XKR4: variants seen among roughly 807,000 people sequenced by gnomAD.
XKR4 encodes the protein XK-related protein 4.
XKR4 carries 12 observed loss-of-function variants against 53.9 expected under a neutral mutation model. That is an observed-to-expected ratio of 0.22 (90% CI 0.14 to 0.36). The LOEUF (loss-of-function observed/expected upper bound fraction) is 0.36. XKR4 is among the 10% of genes least tolerant of loss of function. The pLI, the probability that XKR4 is intolerant of heterozygous loss-of-function variation, is 1.00. For missense variants in XKR4, 799 were observed against 859.5 expected (o/e 0.93, Z 0.88); for synonymous variants, 354 against 362.4 (o/e 0.98, Z 0.26).
chr8:55,417,958 T>C (rs1342469653), intron 2 of XKR4, among the ~76,000 whole-genome samples: 1 of 152,108 alleles, frequency 6.6e-6, no homozygotes, highest in Non-Finnish European at 1.5e-5. Context: ...AGAAGGTGTC[T>C]TAAGGTGGAT....
intron 1 of XKR4, among the ~76,000 whole-genome samples, chr8:55,278,978 C>T (rs1307275743): frequency 6.6e-6 from 1 of 152,200 alleles, no homozygotes; most frequent in African/African-American, 2.4e-5. Context: ...AAAACCCAGA[C>T]ATTCACTAGC....
intron 2 of XKR4, chr8:55,450,247 T>A (rs1338939660): frequency 1.5e-6 from 1 of 658,054 alleles, no homozygotes; most frequent in Non-Finnish European, 2.7e-6. Flanking sequence ...AAACCGTTCT[T>A]CCTCAGGGGC....
At chr8:55,117,688 C>G (rs991724403) in intron 1 of XKR4, among the ~76,000 whole-genome samples, 2 of 152,152 alleles carry the variant, frequency 1.3e-5, no homozygotes, top group African/African-American at 4.8e-5. Context: ...TAGCAAGTAC[C>G]TGGGCTCACT....
intron 2 of XKR4, among the ~76,000 whole-genome samples, chr8:55,502,680 C>T (rs1806463027): frequency 6.6e-6 from 1 of 151,846 alleles, no homozygotes; most frequent in African/African-American, 2.4e-5. Flanking sequence ...TGTCTTTTTA[C>T]TCTGTTGATA....
chr8:55,395,389 G>A (rs2975945), intron 2 of XKR4, among the ~76,000 whole-genome samples: 14,340 of 151,706 alleles, frequency 0.095, 1,392 homozygotes, highest in African/African-American at 0.25. Context: ...TCCAGGAAAG[G>A]CATGACCATG....
chr8:55,311,829 C>CAAAAAAAAAAAAAAAAAA (rs57826022), intron 1 of XKR4, among the ~76,000 whole-genome samples: 37 of 98,586 alleles, frequency 3.8e-4, no homozygotes, highest in African/African-American at 7.7e-4. Flanking sequence ...TGTAATTTAG[C>CAAAAAAAAAAAAAAAAAA]AAAAAAAAAA....
intron 2 of XKR4, among the ~76,000 whole-genome samples, chr8:55,503,829 C>T (rs73595333): frequency 0.043 from 6,541 of 152,086 alleles, 539 homozygotes; most frequent in East Asian, 0.28. Flanking sequence ...ATTTTTTTAG[C>T]TGTGGGCTTT....
intron 2 of XKR4, among the ~76,000 whole-genome samples, chr8:55,507,787 T>C (rs1474294414): frequency 6.6e-6 from 1 of 152,238 alleles, no homozygotes; most frequent in Non-Finnish European, 1.5e-5. Context: ...TTTGCTATTG[T>C]GAATAATGCC....
intron 2 of XKR4, among the ~76,000 whole-genome samples, chr8:55,432,494 C>T (rs1317032432): frequency 6.6e-6 from 1 of 152,186 alleles, no homozygotes; most frequent in Non-Finnish European, 1.5e-5. Flanking sequence ...TTGCCTTTGT[C>T]TTCCATTAGA....
At chr8:55,425,949 G>C (rs947902230) in intron 2 of XKR4, among the ~76,000 whole-genome samples, 1 of 152,100 alleles carries the variant, frequency 6.6e-6, no homozygotes, top group Non-Finnish European at 1.5e-5. Flanking sequence ...AGTCTAGCAC[G>C]GGGGCTCTCA....
intron 2 of XKR4, among the ~76,000 whole-genome samples, chr8:55,483,034 A>C (rs547577886): frequency 5.4e-4 from 83 of 152,342 alleles, no homozygotes; most frequent in African/African-American, 1.9e-3. Context: ...TAAGTAAATG[A>C]ATATGAGTGC....
chr8:55,213,869 T>TC (rs1453948811), intron 1 of XKR4, among the ~76,000 whole-genome samples: 3 of 136,058 alleles, frequency 2.2e-5, no homozygotes, highest in African/African-American at 8.3e-5. Flanking sequence ...TTTTTTTTTT[T>TC]TTTTTTTTTT....
At position 55,419,807 on chromosome 8, in the gene XKR4, G is replaced by A. The variant is rs76205951; in HGVS notation, c.1006+61930G>A. 1.1e-4 allele frequency among the ~76,000 whole-genome samples: 17 copies of A among 152,192 alleles called. No individual in the cohort carries two copies. The East Asian group carries it at 1.9e-3, about 17-fold the overall frequency. ...TCAGCTTGGTTGTCATTGCTTACTCGGGATACTTAAGAAAATTGGATGGGT... is the reference window on the plus strand; with the variant it reads ...TCAGCTTGGTTGTCATTGCTTACTCAGGATACTTAAGAAAATTGGATGGGT... On this transcript the variant is annotated intron_variant, in intron 2 of 2. Transcript: ENST00000327381.
At position 55,469,786 on chromosome 8, in the gene XKR4, A is replaced by G. The variant is rs145186801; in HGVS notation, c.1007-53495A>G. Among the ~76,000 whole-genome samples the G allele has an allele frequency of 2.0e-5, 3 of 152,236 alleles. No individual in the cohort carries two copies. The East Asian group carries it at 5.8e-4, about 29-fold the overall frequency. On this transcript the variant is annotated intron_variant, in intron 2 of 2. Transcript: ENST00000327381. ...TAAGCTATGAGCTAACTAGGAACAA[A>G]TCTTGTACTAAAGATTTGAATGGTT...
intron 1 of XKR4, among the ~76,000 whole-genome samples, chr8:55,155,690 C>A (rs1455621623): frequency 2.0e-5 from 3 of 151,824 alleles, no homozygotes; most frequent in Non-Finnish European, 4.4e-5. Flanking sequence ...CCATCAAACA[C>A]CCAGCCTAAT....
chr8:55,454,498 T>C, intron 2 of XKR4: 3 of 1,221,188 alleles, frequency 2.5e-6, no homozygotes, highest in Non-Finnish European at 3.5e-6. Context: ...CCAAAGACAG[T>C]ACGTTGGTGA....
At position 55,477,060 on chromosome 8, in the gene XKR4, C is replaced by T. The variant is rs188991426; in HGVS notation, c.1007-46221C>T. 6.5e-3 allele frequency among the ~76,000 whole-genome samples: 988 copies of T among 152,028 alleles called. 18 individuals carry two copies. The highest frequency in any genetic ancestry group is 0.022 in the African/African-American group (921 of 41,376). On this transcript the variant is annotated intron_variant, in intron 2 of 2. Coordinates refer to ENST00000327381, the MANE Select transcript of XKR4 (RefSeq NM_052898.2). Reference sequence around the variant, plus strand: ...GAAGAGAGTATTGGTTCTCCCAGCACGCAGCTTGAGATCTGAGAATGGGCA... The same window carrying T: ...GAAGAGAGTATTGGTTCTCCCAGCATGCAGCTTGAGATCTGAGAATGGGCA...
intron 2 of XKR4, among the ~76,000 whole-genome samples, chr8:55,405,336 G>A (rs1804666677): frequency 6.6e-6 from 1 of 152,192 alleles, no homozygotes; most frequent in African/African-American, 2.4e-5. Flanking sequence ...TACCCACATT[G>A]GGATTTGCTC....
chr8:55,244,214 C>T (rs1263185931), intron 1 of XKR4, among the ~76,000 whole-genome samples: 1 of 152,186 alleles, frequency 6.6e-6, no homozygotes, highest in African/African-American at 2.4e-5. Context: ...CCTCTCCCTC[C>T]TCTCACCCTC....
Sources: allele counts gnomAD v4.1 joint callset (sites outside exome capture counted in the v4.1 genomes callset), GRCh38; gene constraint gnomAD v4.1.1; transcripts MANE v1.5; gene names NCBI Gene and HGNC (gene_info 2026-07-23, HGNC 2026-07-21).